The following SYNPR variants were observed in gnomAD, a reference collection of about 807,000 sequenced individuals.
The protein encoded by SYNPR is synaptoporin.
SYNPR carries 23 observed loss-of-function variants against 32.9 expected under a neutral mutation model. That is an observed-to-expected ratio of 0.70 (90% CI 0.50 to 0.99). The LOEUF (loss-of-function observed/expected upper bound fraction) is 0.99. Among genes scored for constraint, SYNPR ranks in the 50% least tolerant of loss-of-function variants. The pLI is 0.00. For synonymous variants in SYNPR, 146 were observed against 135.9 expected, an observed-to-expected ratio of 1.07 and a Z score of -0.52; for missense variants, 318 against 349.3, an observed-to-expected ratio of 0.91 and a Z score of 0.71.
At chr3:63,223,578 C>G (rs952009471), upstream of SYNPR, among the ~76,000 whole-genome samples, 10 of 151,754 alleles carry the variant, frequency 6.6e-5, no homozygotes, top group African/African-American at 2.4e-4. Flanking sequence ...TTTTTCCTGT[C>G]CATTTTGTCA....
At chr3:63,283,623 CTTTT>C (rs10650958) in intron 2 of SYNPR, among the ~76,000 whole-genome samples, 2 of 111,532 alleles carry the variant, frequency 1.8e-5, no homozygotes, top group Non-Finnish European at 1.7e-5. Flanking sequence ...ACAGATAATT[CTTTT>C]TTTTTTTTTT....
intron 2 of SYNPR, among the ~76,000 whole-genome samples, chr3:63,311,018 TC>T (rs2086958385): frequency 7.7e-6 from 1 of 130,356 alleles, no homozygotes; most frequent in Admixed American, 7.9e-5. Context: ...GTGGTATCCT[TC>T]CCACATTTTT....
At chr3:63,602,488 T>G (rs918474719) in intron 4 of SYNPR, among the ~76,000 whole-genome samples, 2 of 152,174 alleles carry the variant, frequency 1.3e-5, no homozygotes, top group Non-Finnish European at 2.9e-5. Context: ...TGGGTTTAAA[T>G]TTAAGTCTTT....
chr3:63,376,592 C>T (rs2087898801), intron 2 of SYNPR, among the ~76,000 whole-genome samples: 1 of 152,088 alleles, frequency 6.6e-6, no homozygotes, highest in Admixed American at 6.6e-5. Flanking sequence ...CTGTTCATCA[C>T]CCACCTCTCC....
chr3:63,531,796 A>G (rs1702117260), intron 3 of SYNPR, among the ~76,000 whole-genome samples: 1 of 152,150 alleles, frequency 6.6e-6, no homozygotes, highest in African/African-American at 2.4e-5. Context: ...CCTCCCAAAT[A>G]AACAAAGATC....
intron 4 of SYNPR, among the ~76,000 whole-genome samples, chr3:63,562,015 C>T (rs1020510149): frequency 1.3e-5 from 2 of 152,114 alleles, no homozygotes; most frequent in East Asian, 1.9e-4. Context: ...AATCAGCCAG[C>T]TACTGTATGT....
chr3:63,361,598 C>CA (rs34536474), intron 2 of SYNPR, among the ~76,000 whole-genome samples: 2,181 of 78,440 alleles, frequency 0.028, 70 homozygotes, highest in African/African-American at 0.075. Context: ...ACTCTGTCTC[C>CA]AAAAAAAAAA....
chr3:63,339,175 C>T (rs1307106661), intron 2 of SYNPR, among the ~76,000 whole-genome samples: 3 of 152,156 alleles, frequency 2.0e-5, no homozygotes, highest in Non-Finnish European at 2.9e-5. Context: ...GTTATTTTGA[C>T]ATGTTGACAT....
At chr3:63,562,626 A>G (rs1215873919) in intron 4 of SYNPR, among the ~76,000 whole-genome samples, 2 of 152,226 alleles carry the variant, frequency 1.3e-5, no homozygotes, top group East Asian at 1.9e-4. Context: ...TCTAGCCTCA[A>G]AACAATCCTG....
chr3:63,613,777 C>T (rs1700238377), intron 5 of SYNPR, among the ~76,000 whole-genome samples: 1 of 152,070 alleles, frequency 6.6e-6, no homozygotes, highest in African/African-American at 2.4e-5. Flanking sequence ...CAACTACCTT[C>T]CAAGAAAGGA....
At chr3:63,384,513 A>G (rs990391922) in intron 2 of SYNPR, among the ~76,000 whole-genome samples, 9 of 152,184 alleles carry the variant, frequency 5.9e-5, no homozygotes, top group African/African-American at 2.2e-4. Context: ...AGTCTCAGGA[A>G]CAAGCCTTAT....
intron 4 of SYNPR, among the ~76,000 whole-genome samples, chr3:63,582,582 C>CAT (rs1052910881): frequency 2.0e-5 from 3 of 152,010 alleles, no homozygotes; most frequent in African/African-American, 7.2e-5. Flanking sequence ...AGAAAAGCAG[C>CAT]ATATATGTAT....
chr3:63,600,320 CT>C (rs1700021240), intron 4 of SYNPR, among the ~76,000 whole-genome samples: 1 of 152,192 alleles, frequency 6.6e-6, no homozygotes, highest in African/African-American at 2.4e-5. Flanking sequence ...CTACATCATG[CT>C]CTGTGCCAGG....
intron 2 of SYNPR, among the ~76,000 whole-genome samples, chr3:63,396,301 GA>G (rs2088212024): frequency 6.6e-6 from 1 of 152,112 alleles, no homozygotes; most frequent in South Asian, 2.1e-4. Flanking sequence ...GCCTAAAAAT[GA>G]AACTTCAAGA....
intron 3 of SYNPR, among the ~76,000 whole-genome samples, chr3:63,495,924 A>G (rs4688408): frequency 0.6 from 91,656 of 151,732 alleles, 27,915 homozygotes; most frequent in African/African-American, 0.67. Flanking sequence ...GTACAGCATC[A>G]AGAGTGAGCC....
At chr3:63,467,257 T>C (rs1365618733) in intron 2 of SYNPR, among the ~76,000 whole-genome samples, 1 of 152,178 alleles carries the variant, frequency 6.6e-6, no homozygotes, top group East Asian at 1.9e-4. Flanking sequence ...TGAAGACTTT[T>C]ATGTAGAGAA....
intron 4 of SYNPR, among the ~76,000 whole-genome samples, chr3:63,579,853 G>C (rs1025304444): frequency 6.6e-6 from 1 of 150,764 alleles, no homozygotes; most frequent in African/African-American, 2.4e-5. Context: ...GCTGTTATCT[G>C]TCATTTTAAG....
intron 4 of SYNPR, among the ~76,000 whole-genome samples, chr3:63,585,113 G>A (rs922727100): frequency 6.6e-6 from 1 of 151,950 alleles, no homozygotes; most frequent in African/African-American, 2.4e-5. Flanking sequence ...TGGGGGCAGG[G>A]AGCCTACACT....
intron 2 of SYNPR, among the ~76,000 whole-genome samples, chr3:63,341,267 A>C (rs2087367266): frequency 6.6e-6 from 1 of 152,178 alleles, no homozygotes; most frequent in South Asian, 2.1e-4. Flanking sequence ...GATGTACCAC[A>C]GTTTGTTTAT....
Sources: allele counts gnomAD v4.1 joint callset (sites outside exome capture counted in the v4.1 genomes callset), GRCh38; gene constraint gnomAD v4.1.1; transcripts MANE v1.5; gene names NCBI Gene and HGNC (gene_info 2026-07-23, HGNC 2026-07-21).